The following TBC1D14 variants were observed in gnomAD, a reference collection of about 807,000 sequenced individuals.
TBC1D14 encodes the protein TBC1 domain family, member 14.
A neutral mutation model predicts 79.0 loss-of-function variants in TBC1D14; 26 were observed. The observed-to-expected ratio is 0.33, with a 90% CI of 0.24 to 0.46. The LOEUF is 0.46. TBC1D14 is among the 20% of genes least tolerant of loss of function. TBC1D14 has a pLI of 1.00. For synonymous variants in TBC1D14, 394 were observed against 349.9 expected (o/e 1.13, Z -1.40); for missense variants, 769 against 887.6 (o/e 0.87, Z 1.70).
intron 1 of TBC1D14, chr4:6,910,523 G>A (rs997771284): frequency 7.9e-5 from 12 of 152,264 alleles, no homozygotes; most frequent in South Asian, 6.2e-4. Context: ...CTCTGCCTCC[G>A]CCTTGGAGCC....
chr4:6,957,978 C>T (rs1361255173), intron 2 of TBC1D14, among the ~76,000 whole-genome samples: 9 of 149,542 alleles, frequency 6.0e-5, no homozygotes, highest in South Asian at 4.3e-4. Context: ...TTTTTATCAT[C>T]CCCTTGTTGG....
chr4:6,920,092 T>C (rs1723729152), intron 1 of TBC1D14, among the ~76,000 whole-genome samples: 1 of 152,106 alleles, frequency 6.6e-6, no homozygotes, highest in African/African-American at 2.4e-5. Flanking sequence ...TTTTTACTTT[T>C]GGTAGAGATG....
At chr4:6,973,340 G>A (rs910951828) in intron 3 of TBC1D14, among the ~76,000 whole-genome samples, 1 of 152,154 alleles carries the variant, frequency 6.6e-6, no homozygotes, top group Admixed American at 6.5e-5. Flanking sequence ...ATAGGTCTTG[G>A]TGGTCAGTGG....
rs28703753 is a variant in TBC1D14 at position 6,921,353 on chromosome 4, C to T, written c.-17-2020C>T. ...CCTTTCAAGTAGCTAGGACCACAGA[C>T]GTGCCACCACACCCAGCTAATTTAA... is the stretch of plus-strand genomic sequence containing the variant. On this transcript the variant is annotated intron_variant, in intron 1 of 13. Coordinates refer to ENST00000409757, the MANE Select transcript of TBC1D14 (RefSeq NM_020773.3). Among the ~76,000 whole-genome samples, 914 of 151,652 alleles carry T rather than the reference C, an allele frequency of 6.0e-3. 8 individuals carry two copies. Among genetic ancestry groups the T allele is most frequent in the Non-Finnish European group, 7.8e-3 (531 of 67,920 alleles).
intron 2 of TBC1D14, among the ~76,000 whole-genome samples, chr4:6,955,082 G>A (rs1356231869): frequency 6.6e-6 from 1 of 152,218 alleles, no homozygotes. Context: ...CTGTGGAGGA[G>A]GTAGGATTTT....
At chr4:6,935,537 CTA>C (rs1413641582) in intron 2 of TBC1D14, among the ~76,000 whole-genome samples, 1 of 152,076 alleles carries the variant, frequency 6.6e-6, no homozygotes. Context: ...CTCCTTCCCT[CTA>C]TCTCTCCCTT....
At position 7,014,472 on chromosome 4, in the gene TBC1D14, G is replaced by A; in HGVS notation, c.1672G>A (p.Glu558Lys). 6.2e-7 allele frequency: 1 copy of A among 1,613,608 alleles called. No individual in the cohort carries two copies. The highest frequency in any genetic ancestry group is 8.5e-7 in the Non-Finnish European group (1 of 1,179,620). ...GLMLTYFAAF[E>K]VFFEENLPKL... ...GATGTTGACTTATTTTGCTGCATTT[G>A]AAGTATTCTTTGAAGAAAATTTGCC... Residue 558 changes from glutamate (E) to lysine (K), a missense_variant, in exon 12 of 14, where the codon GAA becomes AAA. Glu to Lys is a moderately conservative substitution (Grantham distance 56, BLOSUM62 1). Coordinates refer to ENST00000409757, the MANE Select transcript of TBC1D14 (RefSeq NM_020773.3).
chr4:6,978,159 G>A (rs1390860401), intron 3 of TBC1D14, among the ~76,000 whole-genome samples: 2 of 146,596 alleles, frequency 1.4e-5, no homozygotes, highest in African/African-American at 2.5e-5. Context: ...CCGTCCGGGA[G>A]GTGAGGGGCG....
chr4:7,001,924 C>T (rs879339015), intron 7 of TBC1D14, among the ~76,000 whole-genome samples: 1 of 152,180 alleles, frequency 6.6e-6, no homozygotes, highest in Non-Finnish European at 1.5e-5. Context: ...TCCCTGCCTG[C>T]GGTCTGAGCT....
intron 3 of TBC1D14, among the ~76,000 whole-genome samples, chr4:6,978,960 A>T (rs184100302): frequency 6.6e-6 from 1 of 152,296 alleles, no homozygotes; most frequent in Non-Finnish European, 1.5e-5. Context: ...GTAGATGTTA[A>T]TATGTAGGAC....
chr4:7,010,788 A>G lies in TBC1D14; in HGVS notation c.1647+7A>G. The G allele has an allele frequency of 6.2e-7, 1 of 1,612,968 alleles. No individual in the cohort carries two copies. The highest frequency in any genetic ancestry group is 8.5e-7 in the Non-Finnish European group (1 of 1,179,576). On this transcript the variant is annotated splice_region_variant and intron_variant, in intron 11 of 13. Coordinates refer to ENST00000409757, the MANE Select transcript of TBC1D14 (RefSeq NM_020773.3). ...TAGAGTGGACCATGGCCTTGTGAGT[A>G]TCCTCTGTGTTCGGGCCCTGGGTAC...
chr4:6,990,423 T>C (rs1336981427), intron 3 of TBC1D14, among the ~76,000 whole-genome samples: 1 of 152,250 alleles, frequency 6.6e-6, no homozygotes, highest in African/African-American at 2.4e-5. Flanking sequence ...CACTTCAGCC[T>C]GGGTGACAGA....
intron 12 of TBC1D14, among the ~76,000 whole-genome samples, chr4:7,015,823 C>G (rs1271599715): frequency 6.6e-6 from 1 of 152,330 alleles, no homozygotes; most frequent in East Asian, 1.9e-4. Context: ...CACAGTGATT[C>G]ACCCCACAGG....
intron 4 of TBC1D14, chr4:6,995,472 A>G (rs919302049): frequency 4.6e-5 from 7 of 151,868 alleles, no homozygotes; most frequent in South Asian, 4.2e-4. Flanking sequence ...GTTATGGATA[A>G]TTGTTATTTT....
At chr4:6,942,169 A>G (rs537805853) in intron 2 of TBC1D14, among the ~76,000 whole-genome samples, 4 of 152,342 alleles carry the variant, frequency 2.6e-5, no homozygotes, top group East Asian at 1.9e-4. Flanking sequence ...CCTATTTCCT[A>G]TCTTAAATAG....
chr4:6,911,524 C>T (rs1438929213), intron 1 of TBC1D14, among the ~76,000 whole-genome samples: 1 of 152,388 alleles, frequency 6.6e-6, no homozygotes, highest in East Asian at 1.9e-4. Context: ...CCAGCCTACC[C>T]TCTCACATTC....
chr4:7,008,766 A>G (rs148301195), intron 9 of TBC1D14, among the ~76,000 whole-genome samples: 1 of 152,348 alleles, frequency 6.6e-6, no homozygotes, highest in Non-Finnish European at 1.5e-5. Flanking sequence ...CCAAAGTGAG[A>G]TGGAAGGATC....
chr4:6,947,661 C>CAAA (rs60601291), intron 2 of TBC1D14, among the ~76,000 whole-genome samples: 13 of 117,240 alleles, frequency 1.1e-4, no homozygotes, highest in Admixed American at 4.4e-4. Context: ...GATTCCGTCT[C>CAAA]AAAAAAAAAA....
chr4:7,011,892 A>G (rs1043527948), intron 11 of TBC1D14, among the ~76,000 whole-genome samples: 3 of 152,080 alleles, frequency 2.0e-5, no homozygotes, highest in African/African-American at 7.2e-5. Context: ...TATTACCAGT[A>G]CTTCAAGACT....
Sources: gnomAD v4.1 joint callset for allele counts (sites outside exome capture counted in the v4.1 genomes callset) on GRCh38, gnomAD v4.1.1 for gene constraint, MANE v1.5 for transcripts, NCBI Gene and HGNC (gene_info 2026-07-23, HGNC 2026-07-21) for gene names.